The following KATNIP variants were observed in gnomAD, a reference collection of about 807,000 sequenced individuals.
KATNIP encodes katanin-interacting protein.
KATNIP carries 126 observed loss-of-function variants against 174.0 expected under a neutral mutation model. The observed-to-expected ratio is 0.72, with a 90% CI of 0.63 to 0.84. KATNIP has a LOEUF of 0.84. Among genes scored for constraint, KATNIP ranks in the 40% least tolerant of loss-of-function variants. The pLI, the probability that KATNIP is intolerant of heterozygous loss-of-function variation, is 0.00. For missense variants in KATNIP, 1,958 were observed against 2,109.7 expected (o/e 0.93, Z 1.41); for synonymous variants, 810 against 835.7 (o/e 0.97, Z 0.53).
chr16:27,766,553 G>A, intron 20 of KATNIP, 79 bp downstream of exon 20: 1 of 1,419,044 alleles, frequency 7.0e-7, no homozygotes, highest in East Asian at 2.3e-5. Flanking sequence ...GTGGCAGCCA[G>A]AGAGGAGCAT....
At chr16:27,704,702 C>A (rs1435696051) in intron 12 of KATNIP, among the ~76,000 whole-genome samples, 1 of 151,996 alleles carries the variant, frequency 6.6e-6, no homozygotes, top group Non-Finnish European at 1.5e-5. Flanking sequence ...CATTACGAGA[C>A]GATGCAGACA....
chr16:27,713,547 C>A (rs1293055665), intron 13 of KATNIP, among the ~76,000 whole-genome samples: 1 of 150,624 alleles, frequency 6.6e-6, no homozygotes, highest in Non-Finnish European at 1.5e-5. Flanking sequence ...TTGACACCAG[C>A]CTGGGCAACA....
Position 27,563,853 on chromosome 16 carries a change from C to A in KATNIP, c.8-10048C>A, listed in dbSNP as rs544708419. 2.1e-4 allele frequency among the ~76,000 whole-genome samples: 27 copies of A among 128,704 alleles called. No individual in the cohort carries two copies. In the Admixed American group the frequency reaches 2.4e-3, roughly 12 times the overall value. The allele number at this position is 128,704 out of a possible 152,430, so 84.4% of individuals were successfully genotyped here. Reference sequence around the variant, plus strand: ...TTGCTTGAACCCAGGAGTTCGAGACCAGCTAGGCAACATAGTGAGACCTCA... The same window carrying A: ...TTGCTTGAACCCAGGAGTTCGAGACAAGCTAGGCAACATAGTGAGACCTCA... On this transcript the variant is annotated intron_variant, in intron 1 of 27. Coordinates refer to ENST00000261588, the MANE Select transcript of KATNIP (RefSeq NM_015202.5).
intron 5 of KATNIP, among the ~76,000 whole-genome samples, chr16:27,643,521 G>A (rs773219769): frequency 6.5e-4 from 89 of 136,830 alleles, no homozygotes; most frequent in Non-Finnish European, 1.0e-3. Context: ...AACCCAGGAG[G>A]CAGAGGTTGC....
intron 23 of KATNIP, 121 bp from the exon 24 acceptor site, chr16:27,774,824 G>T: frequency 8.7e-7 from 1 of 1,151,254 alleles, no homozygotes; most frequent in East Asian, 2.4e-5. Flanking sequence ...TCACTGCTGC[G>T]GCTGCCCAAA....
intron 14 of KATNIP, among the ~76,000 whole-genome samples, chr16:27,735,015 G>C (rs1461606131): frequency 6.6e-6 from 1 of 152,252 alleles, no homozygotes; most frequent in Non-Finnish European, 1.5e-5. Context: ...ATCCAGAGAA[G>C]TGACTAATAT....
intron 7 of KATNIP, among the ~76,000 whole-genome samples, chr16:27,680,117 C>T (rs1430493656): frequency 6.6e-6 from 1 of 152,152 alleles, no homozygotes. Flanking sequence ...CTCCACCCAC[C>T]ACACCTCCCC....
rs190423727 is a variant in KATNIP, at chr16:27,704,584, G to A, written c.1389+586G>A. On this transcript the variant is annotated intron_variant, in intron 12 of 27. Transcript: ENST00000261588. ...GATGTCTGTTATAGAATTATTGGAA[G>A]TAGGGAAGACATTTTTTTTTAAAAC... Among the ~76,000 whole-genome samples the A allele has an allele frequency of 1.3e-3, 198 of 152,326 alleles. 3 individuals are homozygous for A. Among genetic ancestry groups the A allele is most frequent in the Admixed American group, 0.012 (177 of 15,294 alleles).
chr16:27,630,526 C>T (rs1046668818), intron 4 of KATNIP, among the ~76,000 whole-genome samples: 11 of 152,296 alleles, frequency 7.2e-5, no homozygotes, highest in Admixed American at 7.2e-4. Flanking sequence ...GCCCCCAGGG[C>T]AAAGAGGGAA....
Position 27,769,947 on chromosome 16 carries a change from C to CT in KATNIP, c.4065dup (p.Asp1356Ter), listed in dbSNP as rs1183981792. The CT allele has an allele frequency of 6.2e-7, 1 of 1,614,258 alleles. No homozygotes were observed. The highest frequency in any genetic ancestry group is 1.1e-5 in the South Asian group (1 of 91,088). On this transcript the variant is annotated frameshift_variant, in exon 21 of 28. Coordinates refer to ENST00000261588, the MANE Select transcript of KATNIP (RefSeq NM_015202.5). LOFTEE classifies it high-confidence loss of function. ...TCCGGAAGGGGCCAGGCAACTGCCACTTTGATTTTGCTCAAGAAATCCTCT... is the reference window on the plus strand; with the variant it reads ...TCCGGAAGGGGCCAGGCAACTGCCACTTTTGATTTTGCTCAAGAAATCCTCT...
At chr16:27,707,448 CACTT>C (rs376513653) in intron 12 of KATNIP, among the ~76,000 whole-genome samples, 24 of 152,314 alleles carry the variant, frequency 1.6e-4, no homozygotes, top group Non-Finnish European at 1.3e-4. Context: ...AAGAAACAGA[CACTT>C]ACAGAGCGCA....
chr16:27,699,915 A>AT (rs1021298684), intron 10 of KATNIP, among the ~76,000 whole-genome samples: 40 of 150,218 alleles, frequency 2.7e-4, no homozygotes, highest in South Asian at 4.2e-4. Context: ...TATTTTATTT[A>AT]TTTTTTTTTT....
At chr16:27,752,785 C>T (rs1436897906) in intron 17 of KATNIP, among the ~76,000 whole-genome samples, 1 of 152,082 alleles carries the variant, frequency 6.6e-6, no homozygotes, top group Non-Finnish European at 1.5e-5. Context: ...AACTCCTGGA[C>T]TCAAGCGCTT....
rs1309323670 is a variant in KATNIP at position 27,678,038 on chromosome 16, T to C, written c.808+42T>C. ...ATATCATTTCTTTGCCATTGGTGTCTCTGCATCTAATAGCAGGACTTAAAC... is the reference window on the plus strand; with the variant it reads ...ATATCATTTCTTTGCCATTGGTGTCCCTGCATCTAATAGCAGGACTTAAAC... On this transcript the variant is annotated intron_variant, in intron 7 of 27. Coordinates refer to ENST00000261588, the MANE Select transcript of KATNIP (RefSeq NM_015202.5). 3 of 1,596,692 alleles carry C rather than the reference T, an allele frequency of 1.9e-6. No individual in the cohort carries two copies. In the African/African-American group the frequency reaches 4.0e-5, roughly 21 times the overall value.
chr16:27,606,292 G>A (rs2075702384), intron 2 of KATNIP, among the ~76,000 whole-genome samples: 1 of 152,144 alleles, frequency 6.6e-6, no homozygotes, highest in African/African-American at 2.4e-5. Context: ...TGTACTGTAA[G>A]ATACATTTGG....
At chr16:27,753,444 G>C (rs1037072356) in intron 17 of KATNIP, among the ~76,000 whole-genome samples, 1 of 152,116 alleles carries the variant, frequency 6.6e-6, no homozygotes, top group Non-Finnish European at 1.5e-5. Context: ...GTGAGGGGCT[G>C]GGGGGATCAC....
chr16:27,672,034 C>T (rs925437747), intron 6 of KATNIP, among the ~76,000 whole-genome samples: 2 of 152,038 alleles, frequency 1.3e-5, no homozygotes, highest in African/African-American at 4.8e-5. Flanking sequence ...CCAGCCTGGG[C>T]AACAAGAGCA....
At chr16:27,584,074 G>T (rs2090796675) in intron 2 of KATNIP, among the ~76,000 whole-genome samples, 2 of 152,174 alleles carry the variant, frequency 1.3e-5, no homozygotes, top group Admixed American at 6.5e-5. Flanking sequence ...AATGGGGATA[G>T]TGGCAGCACC....
chr16:27,677,895 A>G lies in KATNIP; in HGVS notation c.707A>G (p.Asp236Gly), dbSNP rs756327840. 4 of 1,614,224 alleles carry G rather than the reference A, an allele frequency of 2.5e-6. No individual in the cohort carries two copies. The highest frequency in any genetic ancestry group is 1.7e-6 in the Non-Finnish European group (2 of 1,180,032). Residue 236 changes from aspartate to glycine, a missense_variant, in exon 7 of 28, where the codon GAC (aspartate) becomes GGC (glycine). Asp to Gly is a moderately conservative substitution (Grantham distance 94). Around this residue, in one of 3 missense-constraint regions of KATNIP, gnomAD observed 1,557 missense variants for 1,617.8 expected, o/e 0.96. Coordinates refer to ENST00000261588, the MANE Select transcript of KATNIP (RefSeq NM_015202.5). ...PRHDRPPSSG[D>G]WTQKDVHGEQ... ...CATGACCGCCCTCCTTCCAGTGGCG[A>G]CTGGACTCAGAAAGATGTTCACGGG... is the stretch of plus-strand genomic sequence containing the variant.
Sources: allele counts gnomAD v4.1 joint callset (sites outside exome capture counted in the v4.1 genomes callset), GRCh38; gene constraint gnomAD v4.1.1; regional missense constraint gnomAD v4.1.1; transcripts MANE v1.5; gene names NCBI Gene and HGNC (gene_info 2026-07-23, HGNC 2026-07-21).